R3HDML: variants seen among roughly 807,000 people sequenced by gnomAD.
R3HDML encodes the protein peptidase inhibitor R3HDML.
In R3HDML, 21 loss-of-function variants were observed where a neutral mutation model predicts 24.2. The observed-to-expected ratio is 0.87, with a 90% CI of 0.62 to 1.25. The LOEUF (loss-of-function observed/expected upper bound fraction) is 1.25, where lower values mean the gene tolerates loss of function less well. Among genes scored for constraint, R3HDML ranks in the 50% most tolerant of loss-of-function variants. The pLI, the probability that R3HDML is intolerant of heterozygous loss-of-function variation, is 0.00. For synonymous variants in R3HDML, 133 were observed against 131.5 expected (o/e 1.01, Z -0.08); for missense variants, 301 against 340.3 (o/e 0.88, Z 0.91).
intron 3 of R3HDML, chr20:44,345,038 C>T: frequency 5.3e-6 from 3 of 560,900 alleles, no homozygotes; most frequent in South Asian, 2.1e-5. Context: ...TGTTTGTACA[C>T]CTGTAACAAT....
intron 4 of R3HDML, among the ~76,000 whole-genome samples, chr20:44,348,518 T>TCCTTTCCTTTCCTTTCCTTTC (rs1408961292): frequency 1.4e-5 from 2 of 145,600 alleles, no homozygotes; most frequent in Non-Finnish European, 3.0e-5. Context: ...TCCTTTCCTT[T>TCCTTTCCTTTCCTTTCCTTTC]CTTTTCTTCT....
At chr20:44,341,127 C>A in intron 1 of R3HDML, 69 bp from the exon 2 acceptor site, 1 of 1,282,572 alleles carries the variant, frequency 7.8e-7, no homozygotes, top group Non-Finnish European at 1.1e-6. Context: ...GGTAAATGTG[C>A]ATCTCTGGAC....
chr20:44,337,431 A>C lies in R3HDML; in HGVS notation c.261+13A>C. 1 of 1,605,292 alleles carries C rather than the reference A, an allele frequency of 6.2e-7. No individual in the cohort carries two copies. The highest frequency in any genetic ancestry group is 8.5e-7 in the Non-Finnish European group (1 of 1,172,942). ...CATGGAATACATGGTGAGTCCCCGT[A>C]CCTGCCCCCCACCCCCCGCAGTGTC... On this transcript the variant is annotated intron_variant, in intron 1 of 4. Transcript: ENST00000217043. This position sits in a 1 kb window ranked among gnomAD's most constrained non-coding sequence, Gnocchi z 4.7.
intron 1 of R3HDML, 34 bp from the exon 2 acceptor site, chr20:44,341,162 C>CCCCTGGGGAATTT: frequency 6.4e-7 from 1 of 1,557,692 alleles, no homozygotes; most frequent in Non-Finnish European, 8.8e-7. Context: ...GGTGGCAATT[C>CCCCTGGGGAATTT]CCCTGGGGAA....
Position 44,349,285 on chromosome 20 carries a change from G to T in R3HDML, c.630-1375G>T, listed in dbSNP as rs185784205. On this transcript the variant is annotated intron_variant, in intron 4 of 4. Coordinates refer to ENST00000217043, the MANE Select transcript of R3HDML (RefSeq NM_178491.4). Reference sequence around the variant, plus strand: ...AACTCTTGGGCATGGGAAATCGACCGTTTTCATTTCTATATCCTTCTACTA... The same window carrying T: ...AACTCTTGGGCATGGGAAATCGACCTTTTTCATTTCTATATCCTTCTACTA... 2.2e-3 allele frequency among the ~76,000 whole-genome samples: 338 copies of T among 152,100 alleles called. 3 individuals carry two copies. Among genetic ancestry groups the T allele is most frequent in the Middle Eastern group, 0.017 (5 of 294 alleles).
chr20:44,341,654 G>T (rs1431036906), intron 2 of R3HDML, among the ~76,000 whole-genome samples: 1 of 152,192 alleles, frequency 6.6e-6, no homozygotes, highest in Non-Finnish European at 1.5e-5. Context: ...GGAGGCTGAG[G>T]TGGGCAGATC....
intron 3 of R3HDML, chr20:44,345,019 G>A (rs2062782493): frequency 1.9e-6 from 1 of 528,236 alleles, no homozygotes; most frequent in Non-Finnish European, 3.4e-6. Context: ...TTGTGTGTAT[G>A]TGTGTGTCTG....
At chr20:44,339,014 A>G (rs1270264506) in intron 1 of R3HDML, among the ~76,000 whole-genome samples, 1 of 150,456 alleles carries the variant, frequency 6.6e-6, no homozygotes, top group Admixed American at 6.7e-5. Flanking sequence ...CCGAGGTTGC[A>G]GTGAGCCGAG....
chr20:44,341,367 A>T, intron 2 of R3HDML, 53 bp downstream of exon 2: 1 of 1,401,370 alleles, frequency 7.1e-7, no homozygotes, highest in Non-Finnish European at 1.0e-6. Context: ...ATACTCATTG[A>T]ACACTTACTC....
intron 4 of R3HDML, 79 bp from the exon 5 acceptor site, chr20:44,350,581 C>A: frequency 7.0e-7 from 1 of 1,426,708 alleles, no homozygotes; most frequent in Non-Finnish European, 9.4e-7. Context: ...TGGTCAGTGG[C>A]AGCGCTGAGA....
intron 4 of R3HDML, 122 bp downstream of exon 4, chr20:44,345,500 G>A (rs1465742850): frequency 1.3e-5 from 9 of 710,444 alleles, no homozygotes; most frequent in Admixed American, 3.0e-5. Flanking sequence ...ATATAATTTG[G>A]GTAGTTTTAA....
At chr20:44,340,189 A>G (rs2062768499) in intron 1 of R3HDML, among the ~76,000 whole-genome samples, 1 of 152,054 alleles carries the variant, frequency 6.6e-6, no homozygotes, top group East Asian at 1.9e-4. Flanking sequence ...TCCTGACCTC[A>G]GGTGATCCGC....
Position 44,350,962 on chromosome 20 carries a change from G to T in R3HDML, c.*170G>T. ...CTTAAATGTCCAACATGGGTCAAAA[G>T]AAAATGACCTCCTTGCCTTCCTTCT... On this transcript the variant is annotated 3_prime_UTR_variant, in exon 5 of 5. Transcript: ENST00000217043. 1 of 651,614 alleles carries T rather than the reference G, an allele frequency of 1.5e-6. No homozygotes were observed. The allele number at this position is 651,614 out of a possible 1,614,324, so 40.4% of individuals were successfully genotyped here. A position where few individuals can be genotyped will look rare whatever the true frequency, so the allele number is the denominator to read the frequency against.
Position 44,337,045 on chromosome 20 carries a change from C to G in R3HDML, c.-113C>G, listed in dbSNP as rs1410397578. On this transcript the variant is annotated 5_prime_UTR_variant, in exon 1 of 5. It adds an upstream start codon to the 5' untranslated region. Coordinates refer to ENST00000217043, the MANE Select transcript of R3HDML (RefSeq NM_178491.4). The surrounding 1 kb of genome is among the most constrained non-coding windows in gnomAD (Gnocchi z 4.7). The stretch of plus-strand genomic sequence containing the variant: ...TTGCCAAGTTCCCAGGAGGCAGCAT[C>G]CTCTGGGTCGGCACTGTTGGAGAAC... The G allele has an allele frequency of 5.2e-6, 7 of 1,344,118 alleles. No homozygotes were observed. Among genetic ancestry groups the G allele is most frequent in the Non-Finnish European group, 7.0e-6 (7 of 995,154 alleles). 83.3% of individuals were successfully genotyped at this position (1,344,118 alleles called of 1,614,324 possible).
chr20:44,348,889 G>A (rs1289340950), intron 4 of R3HDML, among the ~76,000 whole-genome samples: 3 of 151,966 alleles, frequency 2.0e-5, no homozygotes, highest in African/African-American at 4.8e-5. Flanking sequence ...GGTGGCTCAC[G>A]CCTGTAATCC....
chr20:44,339,929 C>T (rs1244219011), intron 1 of R3HDML, among the ~76,000 whole-genome samples: 1 of 151,968 alleles, frequency 6.6e-6, no homozygotes, highest in Admixed American at 6.6e-5. Context: ...CAGGTACACA[C>T]CACCATGCCT....
chr20:44,346,901 G>C (rs761774439), intron 4 of R3HDML, among the ~76,000 whole-genome samples: 22 of 152,212 alleles, frequency 1.4e-4, no homozygotes, highest in African/African-American at 2.4e-4. Context: ...CAGCACTTTG[G>C]GGGGCTGAGG....
intron 4 of R3HDML, among the ~76,000 whole-genome samples, chr20:44,345,881 A>G (rs1052283845): frequency 4.0e-5 from 6 of 150,584 alleles, no homozygotes; most frequent in African/African-American, 1.5e-4. Context: ...ATGCAGTGGC[A>G]TGATCTCAGC....
intron 3 of R3HDML, 105 bp downstream of exon 3, chr20:44,343,614 T>G: frequency 1.7e-6 from 2 of 1,199,920 alleles, no homozygotes; most frequent in Non-Finnish European, 1.1e-6. Context: ...AAGACCGTTA[T>G]GAGCTTCTTT....
Sources: allele counts gnomAD v4.1 joint callset (sites outside exome capture counted in the v4.1 genomes callset), GRCh38; gene constraint gnomAD v4.1.1; non-coding constraint Gnocchi (gnomAD v3.1); transcripts MANE v1.5; gene names NCBI Gene and HGNC (gene_info 2026-07-23, HGNC 2026-07-21).